CEP85L: variants seen among roughly 807,000 people sequenced by gnomAD.
CEP85L encodes the protein centrosomal protein 85L, also known as centrosomal protein of 85 kDa-like.
Under a neutral mutation model 100.3 loss-of-function variants are expected in CEP85L, and 60 were observed. The ratio of observed to expected loss-of-function variants is 0.60; its 90% CI spans 0.49 to 0.74. The LOEUF (loss-of-function observed/expected upper bound fraction) is 0.74. CEP85L is among the 30% of genes least tolerant of loss of function. CEP85L has a pLI of 0.00. For missense variants in CEP85L, 973 were observed against 936.2 expected (o/e 1.04, Z -0.51); for synonymous variants, 319 against 322.7 (o/e 0.99, Z 0.12).
chr6:118,480,402 A>G lies in CEP85L; in HGVS notation c.1857T>C (p.Ala619=). 1 of 1,588,498 alleles carries G rather than the reference A, an allele frequency of 6.3e-7. No individual in the cohort carries two copies. Among genetic ancestry groups the G allele is most frequent in the Non-Finnish European group, 8.6e-7 (1 of 1,157,526 alleles). ...ATCTAAGGTATCTACTGACCTTACTAGCAGTCTCATTTTGTTGTCTGAGAT... is the reference window on the plus strand; with the variant it reads ...ATCTAAGGTATCTACTGACCTTACTGGCAGTCTCATTTTGTTGTCTGAGAT... ...NDNLRQQNET[A]SKIIDSQQDE... Residue 619 remains alanine (A), a synonymous_variant, in exon 9 of 13, where the codon GCT becomes GCC. Transcript: ENST00000368491.
chr6:118,685,679 G>C (rs1776806488), intron 1 of CEP85L, among the ~76,000 whole-genome samples: 1 of 152,078 alleles, frequency 6.6e-6, no homozygotes, highest in Non-Finnish European at 1.5e-5. Flanking sequence ...CCTTTCACTT[G>C]ATACTAATAT....
chr6:118,646,823 C>T, intron 1 of CEP85L: 1 of 474,946 alleles, frequency 2.1e-6, no homozygotes. Context: ...ACATTTCATC[C>T]AGTCTGAAAA....
At chr6:118,669,526 C>T (rs1252636079) in intron 1 of CEP85L, among the ~76,000 whole-genome samples, 1 of 152,108 alleles carries the variant, frequency 6.6e-6, no homozygotes, top group Non-Finnish European at 1.5e-5. Context: ...CTAAACATTT[C>T]CTTCTGGAAA....
At chr6:118,612,327 G>A (rs1419356947) in intron 2 of CEP85L, among the ~76,000 whole-genome samples, 1 of 151,828 alleles carries the variant, frequency 6.6e-6, no homozygotes, top group African/African-American at 2.4e-5. Flanking sequence ...CACAGCTAAA[G>A]CAGTTCTGAG....
intron 2 of CEP85L, among the ~76,000 whole-genome samples, chr6:118,609,974 G>C (rs1361744459): frequency 1.3e-5 from 2 of 151,748 alleles, no homozygotes; most frequent in African/African-American, 4.8e-5. Context: ...ACATTTCTAG[G>C]GAAAAAAATT....
intron 2 of CEP85L, among the ~76,000 whole-genome samples, chr6:118,632,023 T>A (rs1447957285): frequency 6.6e-6 from 1 of 152,202 alleles, no homozygotes; most frequent in Non-Finnish European, 1.5e-5. Flanking sequence ...GGAGTCTCGC[T>A]CTGTCCCCCA....
At chr6:118,550,991 A>T (rs1778508669) in intron 3 of CEP85L, among the ~76,000 whole-genome samples, 1 of 151,520 alleles carries the variant, frequency 6.6e-6, no homozygotes, top group Non-Finnish European at 1.5e-5. Flanking sequence ...CACAGACTTT[A>T]AAAAAAATAA....
chr6:118,480,038 T>C, intron 9 of CEP85L, 117 bp from the exon 10 acceptor site: 1 of 632,554 alleles, frequency 1.6e-6, no homozygotes, highest in Non-Finnish European at 2.7e-6. Flanking sequence ...AGGGTCTTTT[T>C]AAAAAACTGA....
intron 3 of CEP85L, among the ~76,000 whole-genome samples, chr6:118,543,298 T>A (rs1778016066): frequency 6.6e-6 from 1 of 152,186 alleles, no homozygotes; most frequent in Non-Finnish European, 1.5e-5. Context: ...TATCTAAGTT[T>A]CTGAGGGCCT....
intron 2 of CEP85L, among the ~76,000 whole-genome samples, chr6:118,577,074 G>C (rs1780282979): frequency 6.6e-6 from 1 of 152,152 alleles, no homozygotes; most frequent in Non-Finnish European, 1.5e-5. Context: ...ATTCCTAGAA[G>C]TGAAAAGCCC....
intron 1 of CEP85L, among the ~76,000 whole-genome samples, chr6:118,673,574 G>A (rs1776383825): frequency 6.6e-6 from 1 of 152,190 alleles, no homozygotes; most frequent in African/African-American, 2.4e-5. Flanking sequence ...TTGGCACAAT[G>A]GTGAGGTCTG....
At chr6:118,651,598 C>T, upstream of CEP85L, 3 of 1,093,814 alleles carry the variant, frequency 2.7e-6, no homozygotes, top group Non-Finnish European at 3.3e-6. Flanking sequence ...CTCTCCGCCC[C>T]CTCCGCCGGC....
intron 2 of CEP85L, chr6:118,588,977 T>G (rs1781023463): frequency 1.0e-5 from 2 of 198,574 alleles, no homozygotes; most frequent in African/African-American, 4.7e-5. Flanking sequence ...TAGGAGTTAT[T>G]AAAAAATTAT....
chr6:118,539,404 A>G lies in CEP85L; in HGVS notation c.1021-15484T>C, dbSNP rs113450753. The stretch of plus-strand genomic sequence containing the variant: ...CTAGGCGTGTAGTTGTTAGTCGGCT[A>G]TACCATCTAGGTTTGTGTAAGTACA... On this transcript the variant is annotated intron_variant, in intron 3 of 12. Coordinates refer to ENST00000368491, the MANE Select transcript of CEP85L (RefSeq NM_001042475.3). 4.3e-3 allele frequency among the ~76,000 whole-genome samples: 662 copies of G among 152,304 alleles called. 8 individuals carry two copies. The highest frequency in any genetic ancestry group is 0.015 in the African/African-American group (641 of 41,564).
intron 1 of CEP85L, among the ~76,000 whole-genome samples, chr6:118,661,700 A>G (rs753408388): frequency 1.1e-4 from 17 of 152,154 alleles, no homozygotes; most frequent in East Asian, 1.9e-4. Flanking sequence ...ATTAGTGGTA[A>G]TGTTATTTGT....
intron 2 of CEP85L, among the ~76,000 whole-genome samples, chr6:118,571,442 T>G (rs7745724): frequency 3.5e-4 from 54 of 152,222 alleles, no homozygotes; most frequent in Non-Finnish European, 5.7e-4. Context: ...GCTGATATAG[T>G]CTGATAATGC....
At position 118,640,121 on chromosome 6, in the gene CEP85L, C is replaced by T. The variant is rs537807142; in HGVS notation, c.74-7510G>A. Among the ~76,000 whole-genome samples the T allele has an allele frequency of 2.6e-5, 4 of 151,908 alleles. No individual in the cohort carries two copies. In the South Asian group the frequency reaches 8.3e-4, roughly 32 times the overall value. On this transcript the variant is annotated intron_variant, in intron 1 of 12. Transcript: ENST00000368491. The stretch of plus-strand genomic sequence containing the variant: ...TCACACAAAAAATTAGAACATTAAA[C>T]GGTAAGAAAAAAACGTTCATATTAA...
At chr6:118,465,617 G>A (rs769674157) in intron 12 of CEP85L, 49 bp from the exon 13 acceptor site, 1 of 1,571,958 alleles carries the variant, frequency 6.4e-7, no homozygotes, top group South Asian at 1.2e-5. Context: ...TTTGAACAAA[G>A]ACATTTTAGA....
intron 10 of CEP85L, among the ~76,000 whole-genome samples, chr6:118,472,085 A>T (rs1773003152): frequency 6.6e-6 from 1 of 151,856 alleles, no homozygotes; most frequent in Non-Finnish European, 1.5e-5. Context: ...TTCACAATAT[A>T]ATTATTATAT....
Sources: gnomAD v4.1 joint callset for allele counts (sites outside exome capture counted in the v4.1 genomes callset) on GRCh38, gnomAD v4.1.1 for gene constraint, MANE v1.5 for transcripts, NCBI Gene and HGNC (gene_info 2026-07-23, HGNC 2026-07-21) for gene names.